Variants in PNPLA3 observed in about 807,000 individuals in gnomAD.
The protein encoded by PNPLA3 is patatin like domain 3, 1-acylglycerol-3-phosphate O-acyltransferase, also known as 1-acylglycerol-3-phosphate O-acyltransferase PNPLA3.
A neutral mutation model predicts 43.1 loss-of-function variants in PNPLA3; 42 were observed. The ratio of observed to expected loss-of-function variants is 0.97; its 90% CI spans 0.76 to 1.26. PNPLA3 has a LOEUF of 1.26. Ranked by LOEUF, PNPLA3 falls within the 50% of genes most tolerant of loss-of-function variation. PNPLA3 has a pLI of 0.00. For synonymous variants in PNPLA3, 272 were observed against 253.6 expected, an observed-to-expected ratio of 1.07 and a Z score of -0.69; for missense variants, 647 against 621.4, an observed-to-expected ratio of 1.04 and a Z score of -0.44.
chr22:43,940,240 C>T (rs1478652411), intron 7 of PNPLA3, 115 bp downstream of exon 7: 6 of 1,255,722 alleles, frequency 4.8e-6, no homozygotes, highest in Non-Finnish European at 4.5e-6. Flanking sequence ...CCACAGATCA[C>T]AGCTCACAGT....
chr22:43,939,575 G>A (rs2050017869), intron 6 of PNPLA3: 1 of 242,956 alleles, frequency 4.1e-6, no homozygotes, highest in Admixed American at 6.5e-5. Flanking sequence ...AGCACTTTGG[G>A]AGGCCGAGGT....
chr22:43,944,920 AC>A, intron 8 of PNPLA3, 125 bp downstream of exon 8: 2 of 817,738 alleles, frequency 2.4e-6, no homozygotes, highest in Admixed American at 4.4e-5. Context: ...GGGTGTGGGG[AC>A]CCTGTCTCAT....
At chr22:43,925,608 G>T (rs1914140886) in intron 1 of PNPLA3, among the ~76,000 whole-genome samples, 1 of 152,168 alleles carries the variant, frequency 6.6e-6, no homozygotes, top group Non-Finnish European at 1.5e-5. Flanking sequence ...GGTAGGAGCA[G>T]TGGGCAGCCC....
intron 7 of PNPLA3, among the ~76,000 whole-genome samples, chr22:43,940,722 T>A (rs927208703): frequency 6.6e-6 from 1 of 151,974 alleles, no homozygotes; most frequent in Non-Finnish European, 1.5e-5. Context: ...GGCAGAAGAA[T>A]CGCTTGAGCC....
At chr22:43,933,479 T>C (rs1309072688) in intron 4 of PNPLA3, among the ~76,000 whole-genome samples, 2 of 152,140 alleles carry the variant, frequency 1.3e-5, no homozygotes, top group African/African-American at 4.8e-5. Context: ...CTCAGACTCC[T>C]GGGTTCAAGC....
Position 43,934,813 on chromosome 22 carries a change from T to C in PNPLA3, c.757+147T>C, listed in dbSNP as rs1021333830. The C allele has an allele frequency of 7.9e-6, 6 of 758,820 alleles. No homozygotes were observed. The East Asian group carries it at 8.2e-5, about 10-fold the overall frequency. The allele number at this position is 758,820 out of a possible 1,614,324, so 47.0% of individuals were successfully genotyped here. A position where few individuals can be genotyped will look rare whatever the true frequency, so the allele number is the denominator to read the frequency against. On this transcript the variant is annotated intron_variant, in intron 5 of 8. Coordinates refer to ENST00000216180, the MANE Select transcript of PNPLA3 (RefSeq NM_025225.3). ...TCAACCTACTCATGAGCCCAGGAGA[T>C]AGGAAATCTCCGTCCCATTGTACAG... is the stretch of plus-strand genomic sequence containing the variant.
chr22:43,935,723 T>C (rs2146784110), intron 5 of PNPLA3, among the ~76,000 whole-genome samples: 1 of 151,110 alleles, frequency 6.6e-6, no homozygotes, highest in Non-Finnish European at 1.5e-5. Flanking sequence ...CACTAAGAGA[T>C]GACTGGAGAA....
intron 1 of PNPLA3, 163 bp downstream of exon 1, chr22:43,924,261 C>A (rs1489347822): frequency 3.5e-6 from 3 of 861,932 alleles, no homozygotes; most frequent in Middle Eastern, 7.3e-4. Context: ...ATGCTTCCTG[C>A]GGGGGCGCTG....
chr22:43,935,603 C>A (rs1029763307), intron 5 of PNPLA3, among the ~76,000 whole-genome samples: 5 of 151,850 alleles, frequency 3.3e-5, no homozygotes, highest in Non-Finnish European at 7.4e-5. Context: ...GGCATGGGGA[C>A]CCATGGATGC....
At chr22:43,945,467 G>A (rs562140919) in intron 8 of PNPLA3, among the ~76,000 whole-genome samples, 83 of 152,296 alleles carry the variant, frequency 5.4e-4, no homozygotes, top group Non-Finnish European at 5.4e-4. Context: ...GGCTAACAGG[G>A]GTGATCCCCA....
chr22:43,932,892 A>G lies in PNPLA3; in HGVS notation c.501A>G (p.Gly167=). 8.1e-6 allele frequency: 13 copies of G among 1,614,184 alleles called. No homozygotes were observed. Among genetic ancestry groups the G allele is most frequent in the Non-Finnish European group, 1.0e-5 (12 of 1,180,022 alleles). The change falls in exon 4 of 9, where the codon GGA becomes GGG. Residue 167 remains glycine, a synonymous_variant. Transcript: ENST00000216180. The part of the protein sequence containing the change: ...PSFRGVRYVD[G]GVSDNVPFID... Reference sequence around the variant, plus strand: ...TTCTTTAAAAGCGATATGTGGATGGAGGAGTGAGTGACAACGTACCCTTCA... The same window carrying G: ...TTCTTTAAAAGCGATATGTGGATGGGGGAGTGAGTGACAACGTACCCTTCA...
At chr22:43,941,948 C>A (rs1332140471) in intron 7 of PNPLA3, among the ~76,000 whole-genome samples, 1 of 152,186 alleles carries the variant, frequency 6.6e-6, no homozygotes, top group African/African-American at 2.4e-5. Context: ...CTGTCTGCTA[C>A]AAAGAGGCTG....
intron 5 of PNPLA3, 57 bp downstream of exon 5, chr22:43,934,723 C>A: frequency 6.6e-7 from 1 of 1,516,486 alleles, no homozygotes; most frequent in South Asian, 1.1e-5. Context: ...TACTAGCGGT[C>A]TTGGTAAAGA....
chr22:43,937,382 G>A (rs941719925), intron 6 of PNPLA3, 110 bp downstream of exon 6: 29 of 1,008,044 alleles, frequency 2.9e-5, no homozygotes, highest in Non-Finnish European at 3.8e-5. Flanking sequence ...AACCATGACA[G>A]GTGGTTGGGA....
At chr22:43,937,018 G>C in intron 5 of PNPLA3, 33 bp from the exon 6 acceptor site, 1 of 1,584,604 alleles carries the variant, frequency 6.3e-7, no homozygotes, top group Non-Finnish European at 8.6e-7. Flanking sequence ...TCCCACGTTC[G>C]CCTGATGGGC....
chr22:43,930,004 G>A (rs931149438), intron 3 of PNPLA3, among the ~76,000 whole-genome samples: 1 of 152,158 alleles, frequency 6.6e-6, no homozygotes, highest in African/African-American at 2.4e-5. Flanking sequence ...AGGAAGTTTA[G>A]GCTGTAAAAT....
chr22:43,934,749 A>T (rs1223215376), intron 5 of PNPLA3, 83 bp downstream of exon 5: 1 of 1,343,580 alleles, frequency 7.4e-7, no homozygotes. Flanking sequence ...GATTTGCCTT[A>T]GTTCTAACAC....
chr22:43,931,796 G>A lies in PNPLA3; in HGVS notation c.487-1082G>A, dbSNP rs541878444. On this transcript the variant is annotated intron_variant, in intron 3 of 8. Coordinates refer to ENST00000216180, the MANE Select transcript of PNPLA3 (RefSeq NM_025225.3). ...CTTCCAAAGTGCTGGGATTACAGGC[G>A]TGAGCCACCATGCCCAGCTCCTAGT... is the stretch of plus-strand genomic sequence containing the variant. Among the ~76,000 whole-genome samples the A allele has an allele frequency of 1.4e-4, 21 of 152,280 alleles. No homozygotes were observed. In the South Asian group the frequency reaches 3.9e-3, roughly 29 times the overall value.
intron 8 of PNPLA3, 70 bp downstream of exon 8, chr22:43,944,865 AT>A: frequency 7.6e-7 from 1 of 1,322,440 alleles, no homozygotes; most frequent in African/African-American, 1.4e-5. Context: ...CTCACACGAC[AT>A]TCTAGAAACA....
Sources: gnomAD v4.1 joint callset for allele counts (sites outside exome capture counted in the v4.1 genomes callset) on GRCh38, gnomAD v4.1.1 for gene constraint, MANE v1.5 for transcripts, NCBI Gene and HGNC (gene_info 2026-07-23, HGNC 2026-07-21) for gene names.